ZKSCAN7: variants seen among roughly 807,000 people sequenced by gnomAD.
The protein encoded by ZKSCAN7 is zinc finger protein with KRAB and SCAN domains 7.
In ZKSCAN7, 38 loss-of-function variants were observed where a neutral mutation model predicts 65.3. That is an observed-to-expected ratio of 0.58 (90% CI 0.45 to 0.76). ZKSCAN7 has a LOEUF of 0.76. Among genes scored for constraint, ZKSCAN7 ranks in the 30% least tolerant of loss-of-function variants. The probability of loss-of-function intolerance (pLI) is 0.00; values close to 1 mark genes in which losing one functional copy is unlikely to be tolerated. For missense variants in ZKSCAN7, 815 were observed against 913.3 expected, an observed-to-expected ratio of 0.89 and a Z score of 1.39; for synonymous variants, 321 against 321.0, an observed-to-expected ratio of 1.00 and a Z score of 0.00.
intron 5 of ZKSCAN7, among the ~76,000 whole-genome samples, chr3:44,577,289 T>G (rs544901392): frequency 6.6e-5 from 10 of 151,958 alleles, no homozygotes; most frequent in South Asian, 2.1e-4. Context: ...TTCTTTTTTT[T>G]TTTGTTTTTT....
chr3:44,579,975 T>C, intron 5 of ZKSCAN7: 3 of 1,411,260 alleles, frequency 2.1e-6, no homozygotes, highest in Admixed American at 3.6e-5. Flanking sequence ...GAGAGGAGCT[T>C]GGGGGGGGGC....
intron 2 of ZKSCAN7, among the ~76,000 whole-genome samples, chr3:44,565,174 G>C (rs1331422414): frequency 1.3e-5 from 2 of 152,032 alleles, no homozygotes; most frequent in East Asian, 3.8e-4. Context: ...TGCTCTCCTG[G>C]CTCCCTTTTT....
rs747438690 is a variant in ZKSCAN7 at position 44,570,609 on chromosome 3, G to A, written c.1499G>A (p.Cys500Tyr). ...TGEKPYECNECGEAFIRSKSL... is the reference protein window; with the variant it reads ...TGEKPYECNEYGEAFIRSKSL... ...GAGAAACCTTATGAATGCAATGAGT[G>A]TGGAGAGGCATTCATTCGAAGCAAA... is the stretch of plus-strand genomic sequence containing the variant. The change falls in exon 6 of 6, where the codon TGT (cysteine) becomes TAT (tyrosine). Residue 500 changes from cysteine (C) to tyrosine (Y), a missense_variant. Transcript: ENST00000426540. 9 of 1,614,188 alleles carry A rather than the reference G, an allele frequency of 5.6e-6. No homozygotes were observed. The South Asian group carries it at 6.6e-5, about 12-fold the overall frequency.
chr3:44,572,053 T>C lies in ZKSCAN7; in HGVS notation c.*678T>C, dbSNP rs1699821149. On this transcript the variant is annotated 3_prime_UTR_variant, in exon 6 of 6. Coordinates refer to ENST00000426540, the MANE Select transcript of ZKSCAN7 (RefSeq NM_001288590.2). ...TAAATTTTGCGTGTCTGTATACTTT[T>C]ATACCAACTTATTGTAGGCTCTTTG... is the stretch of plus-strand genomic sequence containing the variant. 2 of 985,510 alleles carry C rather than the reference T, an allele frequency of 2.0e-6. No homozygotes were observed. Among genetic ancestry groups the C allele is most frequent in the East Asian group, 1.1e-4 (1 of 8,834 alleles). The allele number at this position is 985,510 out of a possible 1,614,324, so 61.0% of individuals were successfully genotyped here.
chr3:44,555,540 TC>T (rs1446745120), intron 1 of ZKSCAN7, 59 bp downstream of exon 1: 1 of 152,256 alleles, frequency 6.6e-6, no homozygotes, highest in Non-Finnish European at 1.5e-5. Flanking sequence ...TTTTCCCAGC[TC>T]TTGCAGTAGG....
In ZKSCAN7 at chr3:44,572,020, T is replaced by C. The variant is rs928215149; in HGVS notation, c.*645T>C. ...TGCTACAATATGTAACTGTGGTTAA[T>C]TGCCTTGTAAATTTTGCGTGTCTGT... On this transcript the variant is annotated 3_prime_UTR_variant, in exon 6 of 6. Transcript: ENST00000426540. 1.8e-5 allele frequency: 18 copies of C among 985,698 alleles called. No individual in the cohort carries two copies. Among genetic ancestry groups the C allele is most frequent in the Non-Finnish European group, 2.0e-5 (17 of 830,170 alleles). The allele number at this position is 985,698 out of a possible 1,614,324, so 61.1% of individuals were successfully genotyped here. A position where few individuals can be genotyped will look rare whatever the true frequency, so the allele number is the denominator to read the frequency against.
intron 4 of ZKSCAN7, 119 bp from the exon 5 acceptor site, chr3:44,568,188 A>T: frequency 6.5e-7 from 1 of 1,544,406 alleles, no homozygotes; most frequent in Non-Finnish European, 8.8e-7. Flanking sequence ...GTGTCATCTC[A>T]GCTCCTCTCT....
At chr3:44,575,837 CA>C (rs1273826564), downstream of ZKSCAN7, among the ~76,000 whole-genome samples, 1 of 152,170 alleles carries the variant, frequency 6.6e-6, no homozygotes, top group Non-Finnish European at 1.5e-5. Flanking sequence ...CTCGGCCTCC[CA>C]AAGTGCTGGG....
Position 44,567,791 on chromosome 3 carries a change from G to A in ZKSCAN7, c.593-121G>A. ...TCTTGGGATAATGCCTTATGGAAGA[G>A]GTTAAGAGTCAGTGTGTGTGGAGGT... On this transcript the variant is annotated intron_variant, in intron 3 of 5. Coordinates refer to ENST00000426540, the MANE Select transcript of ZKSCAN7 (RefSeq NM_001288590.2). The A allele has an allele frequency of 6.9e-6, 4 of 577,598 alleles. No homozygotes were observed. The South Asian group carries it at 8.5e-5, about 12-fold the overall frequency. 35.8% of individuals were successfully genotyped at this position (577,598 alleles called of 1,614,324 possible). A position where few individuals can be genotyped will look rare whatever the true frequency, so the allele number is the denominator to read the frequency against.
chr3:44,574,389 C>A (rs1471813722), downstream of ZKSCAN7, among the ~76,000 whole-genome samples: 1 of 152,220 alleles, frequency 6.6e-6, no homozygotes, highest in Non-Finnish European at 1.5e-5. Context: ...ACTGAGATTA[C>A]AGGTGTGAGC....
chr3:44,578,251 C>CT, intron 5 of ZKSCAN7: 1 of 1,560,604 alleles, frequency 6.4e-7, no homozygotes, highest in Non-Finnish European at 8.8e-7. Context: ...ACAGTGCTGT[C>CT]TGCAGCTCAT....
At chr3:44,572,347 TG>T (rs1316380424), downstream of ZKSCAN7, among the ~76,000 whole-genome samples, 7 of 2,140 alleles carry the variant, frequency 3.3e-3, no homozygotes, top group African/African-American at 8.8e-3. Context: ...GAATGGATTT[TG>T]TGTGTGTGTG....
intron 2 of ZKSCAN7, among the ~76,000 whole-genome samples, chr3:44,558,778 C>T (rs1699374316): frequency 3.3e-5 from 4 of 119,944 alleles, no homozygotes; most frequent in Admixed American, 9.6e-5. Flanking sequence ...CTCCTTTCTT[C>T]TTCATTTTTT....
intron 5 of ZKSCAN7, among the ~76,000 whole-genome samples, chr3:44,569,509 C>T (rs1056302671): frequency 5.3e-5 from 8 of 152,162 alleles, no homozygotes; most frequent in African/African-American, 1.9e-4. Context: ...CCAGCCTCCT[C>T]TCTCCCAACA....
rs899007447 is a variant in ZKSCAN7 at position 44,556,299 on chromosome 3, G to T, written c.-118-631G>T. On this transcript the variant is annotated intron_variant, in intron 1 of 5. Coordinates refer to ENST00000426540, the MANE Select transcript of ZKSCAN7 (RefSeq NM_001288590.2). ...AGCTACCAGCACTCTTCCTGATGGG[G>T]CAATCAGGAAAACCAAGAAAAAGTT... Among the ~76,000 whole-genome samples the T allele has an allele frequency of 3.0e-4, 46 of 152,182 alleles. 1 individual carries two copies. Among genetic ancestry groups the T allele is most frequent in the Admixed American group, 2.5e-3 (38 of 15,274 alleles).
At chr3:44,569,241 C>G (rs114307658) in intron 5 of ZKSCAN7, among the ~76,000 whole-genome samples, 3,886 of 152,314 alleles carry the variant, frequency 0.026, 107 homozygotes, top group African/African-American at 0.066. Context: ...GTGGGATGCT[C>G]AGGGTCACTT....
intron 5 of ZKSCAN7, chr3:44,581,062 C>T (rs1170369989): frequency 1.1e-4 from 146 of 1,339,250 alleles, no homozygotes; most frequent in Middle Eastern, 9.0e-4. Context: ...CAGGCCCGGC[C>T]GGCCTGGCGC....
Position 44,570,924 on chromosome 3 carries a change from A to G in ZKSCAN7, c.1814A>G (p.Lys605Arg). ...CATGAGCGAATTCATACTGGAGAAA[A>G]ACCTTTTGAATGTAGCGAGTGTGGT... ...IEHERIHTGE[K>R]PFECSECGKA... The change falls in exon 6 of 6, where the codon AAA becomes AGA. Residue 605 changes from lysine (K) to arginine (R), a missense_variant. Around this residue, in one of 3 missense-constraint regions of ZKSCAN7, gnomAD observed 578 missense variants for 629.5 expected, o/e 0.92. Coordinates refer to ENST00000426540, the MANE Select transcript of ZKSCAN7 (RefSeq NM_001288590.2). 6.2e-7 allele frequency: 1 copy of G among 1,614,102 alleles called. No individual in the cohort carries two copies. Among genetic ancestry groups the G allele is most frequent in the Non-Finnish European group, 8.5e-7 (1 of 1,179,998 alleles).
intron 5 of ZKSCAN7, chr3:44,580,922 G>C: frequency 1.9e-6 from 3 of 1,613,156 alleles, no homozygotes; most frequent in Non-Finnish European, 2.5e-6. Context: ...GGTCCTCGTC[G>C]TTGAGGAGAT....
Sources: allele counts gnomAD v4.1 joint callset (sites outside exome capture counted in the v4.1 genomes callset), GRCh38; gene constraint gnomAD v4.1.1; regional missense constraint gnomAD v4.1.1; transcripts MANE v1.5; gene names NCBI Gene and HGNC (gene_info 2026-07-23, HGNC 2026-07-21).